Variants in SULF1 observed in about 807,000 individuals in gnomAD.
SULF1 encodes extracellular sulfatase Sulf-1.
In SULF1, 46 loss-of-function variants were observed where a neutral mutation model predicts 110.5. The observed-to-expected ratio is 0.42, with a 90% CI of 0.33 to 0.53. SULF1 has a LOEUF of 0.53. Ranked by LOEUF, SULF1 falls within the 20% of genes least tolerant of loss-of-function variation. The pLI, the probability that SULF1 is intolerant of heterozygous loss-of-function variation, is 0.12. For missense variants in SULF1, 941 were observed against 1,094.2 expected, an observed-to-expected ratio of 0.86 and a Z score of 1.98; for synonymous variants, 371 against 387.1, an observed-to-expected ratio of 0.96 and a Z score of 0.49.
At chr8:69,606,679 ATGGTAC>A (rs1204181562) in intron 13 of SULF1, among the ~76,000 whole-genome samples, 1 of 152,240 alleles carries the variant, frequency 6.6e-6, no homozygotes, top group Non-Finnish European at 1.5e-5. Context: ...AAACCAGATT[ATGGTAC>A]TTTGGCACAA....
At chr8:69,603,486 A>G (rs1032543155) in intron 11 of SULF1, 114 bp from the exon 12 acceptor site, 72 of 1,309,894 alleles carry the variant, frequency 5.5e-5, no homozygotes, top group East Asian at 1.2e-4. Context: ...ATTGATGGAG[A>G]TGCACTCATG....
At chr8:69,545,600 T>A (rs1057397382) in intron 3 of SULF1, among the ~76,000 whole-genome samples, 1 of 152,186 alleles carries the variant, frequency 6.6e-6, no homozygotes, top group South Asian at 2.1e-4. Flanking sequence ...ACGCCAGTCA[T>A]GACATGTGAC....
chr8:69,583,032 G>A (rs1160425574), intron 6 of SULF1, among the ~76,000 whole-genome samples: 1 of 152,192 alleles, frequency 6.6e-6, no homozygotes, highest in African/African-American at 2.4e-5. Context: ...ACTGATCAAC[G>A]TGCTCAGTGC....
At chr8:69,601,252 A>T (rs1807783828) in intron 9 of SULF1, among the ~76,000 whole-genome samples, 1 of 152,254 alleles carries the variant, frequency 6.6e-6, no homozygotes, top group African/African-American at 2.4e-5. Flanking sequence ...GACGTGCCTC[A>T]GGCTGGATTT....
chr8:69,572,940 G>A (rs1246893236), intron 5 of SULF1, among the ~76,000 whole-genome samples: 2 of 152,154 alleles, frequency 1.3e-5, no homozygotes, highest in Non-Finnish European at 2.9e-5. Flanking sequence ...CAATTCTCCT[G>A]CCTCAGCCTC....
chr8:69,641,326 T>G (rs1252662841), intron 22 of SULF1, among the ~76,000 whole-genome samples: 2 of 152,224 alleles, frequency 1.3e-5, no homozygotes, highest in African/African-American at 4.8e-5. Flanking sequence ...AGGAATTTCT[T>G]TGTTGATGTT....
Position 69,653,866 on chromosome 8 carries a change from AT to A in SULF1, c.2586-4634del, listed in dbSNP as rs1161842546. 7.2e-5 allele frequency among the ~76,000 whole-genome samples: 11 copies of A among 152,226 alleles called. No individual in the cohort carries two copies. The South Asian group carries it at 2.3e-3, about 32-fold the overall frequency. On this transcript the variant is annotated intron_variant, in intron 22 of 22. Coordinates refer to ENST00000402687, the MANE Select transcript of SULF1 (RefSeq NM_001128205.2). ...TGTGAACTGGGGGTAGACCAAATACATTTTTCTTATTATGCCCTAGTCCCCT... is the reference window on the plus strand; with the variant it reads ...TGTGAACTGGGGGTAGACCAAATACATTTTCTTATTATGCCCTAGTCCCCT...
intron 3 of SULF1, among the ~76,000 whole-genome samples, chr8:69,508,680 A>G (rs906607030): frequency 2.6e-5 from 4 of 152,202 alleles, no homozygotes; most frequent in Admixed American, 1.3e-4. Context: ...TAAAATTACT[A>G]GGTTTTAAAT....
intron 8 of SULF1, chr8:69,592,816 G>A (rs1807008077): frequency 1.7e-6 from 1 of 603,406 alleles, no homozygotes; most frequent in Non-Finnish European, 2.1e-6. Flanking sequence ...GGGAAGCAGT[G>A]AGAGAAATGA....
intron 8 of SULF1, 67 bp downstream of exon 8, chr8:69,589,208 T>C: frequency 6.8e-7 from 1 of 1,478,168 alleles, no homozygotes; most frequent in Non-Finnish European, 9.2e-7. Context: ...ATCCCACTCC[T>C]CTCCTTTACC....
intron 3 of SULF1, among the ~76,000 whole-genome samples, chr8:69,543,208 G>T (rs1161671337): frequency 6.6e-6 from 1 of 151,984 alleles, no homozygotes; most frequent in Non-Finnish European, 1.5e-5. Context: ...TGTTTTTGTT[G>T]TTGTTGTTGT....
intron 3 of SULF1, among the ~76,000 whole-genome samples, chr8:69,561,808 C>A (rs1815503531): frequency 6.6e-6 from 1 of 152,206 alleles, no homozygotes. Context: ...CTGACCCATG[C>A]TTTGTGAGAA....
chr8:69,644,548 G>A (rs1331442670), intron 22 of SULF1, among the ~76,000 whole-genome samples: 3 of 152,086 alleles, frequency 2.0e-5, no homozygotes, highest in African/African-American at 7.2e-5. Context: ...GGCCGAGGCA[G>A]GCAGATCACG....
At chr8:69,569,921 A>T (rs1255895977) in intron 5 of SULF1, among the ~76,000 whole-genome samples, 4 of 152,134 alleles carry the variant, frequency 2.6e-5, no homozygotes, top group Admixed American at 1.3e-4. Flanking sequence ...TAGAAAAAAA[A>T]ATACCATTTA....
intron 3 of SULF1, among the ~76,000 whole-genome samples, chr8:69,526,932 T>C (rs969248389): frequency 3.3e-5 from 5 of 152,104 alleles, no homozygotes; most frequent in African/African-American, 1.2e-4. Context: ...GTTACAGGAT[T>C]GGCTTCAAGA....
chr8:69,635,002 GC>G (rs926454923), intron 19 of SULF1, among the ~76,000 whole-genome samples: 2 of 152,142 alleles, frequency 1.3e-5, no homozygotes, highest in African/African-American at 4.8e-5. Flanking sequence ...CGCCATGTTG[GC>G]CAGGATGGTC....
rs891194308 is a variant in SULF1 at position 69,517,228 on chromosome 8, C to T, written c.-134+15260C>T. ...CTTCTTGCTTTAATAGGAGCCCACT[C>T]TCATGATAGCCAACACATTCCCACA... On this transcript the variant is annotated intron_variant, in intron 3 of 22. Coordinates refer to ENST00000402687, the MANE Select transcript of SULF1 (RefSeq NM_001128205.2). Among the ~76,000 whole-genome samples the T allele has an allele frequency of 2.0e-5, 3 of 152,246 alleles. No homozygotes were observed. In the Middle Eastern group the frequency reaches 0.01, roughly 518 times the overall value.
At chr8:69,535,824 G>A (rs1813395249) in intron 3 of SULF1, among the ~76,000 whole-genome samples, 2 of 152,084 alleles carry the variant, frequency 1.3e-5, no homozygotes, top group Non-Finnish European at 1.5e-5. Context: ...CAGGTCAGGA[G>A]TTTGAGACCA....
intron 3 of SULF1, among the ~76,000 whole-genome samples, chr8:69,511,173 A>G (rs373477614): frequency 1.3e-5 from 2 of 152,312 alleles, no homozygotes; most frequent in East Asian, 3.9e-4. Flanking sequence ...GAGAAAACCA[A>G]ATTAAGCAAT....
Sources: allele counts gnomAD v4.1 joint callset (sites outside exome capture counted in the v4.1 genomes callset), GRCh38; gene constraint gnomAD v4.1.1; transcripts MANE v1.5; gene names NCBI Gene and HGNC (gene_info 2026-07-23, HGNC 2026-07-21).